The following SLC35F2 variants were observed in gnomAD, a reference collection of about 807,000 sequenced individuals.
The protein encoded by SLC35F2 is queuine/queuosine transporter SLC35F2.
A neutral mutation model predicts 38.1 loss-of-function variants in SLC35F2; 25 were observed. The observed-to-expected ratio is 0.66, with a 90% confidence interval of 0.48 to 0.92. SLC35F2 has a LOEUF of 0.92. SLC35F2 is among the 40% of genes least tolerant of loss of function. SLC35F2 has a pLI of 0.00. For synonymous variants in SLC35F2, 173 were observed against 181.7 expected, an observed-to-expected ratio of 0.95 and a Z score of 0.38; for missense variants, 409 against 452.9, an observed-to-expected ratio of 0.90 and a Z score of 0.88.
intron 2 of SLC35F2, among the ~76,000 whole-genome samples, chr11:107,813,602 G>A (rs1194971343): frequency 6.6e-6 from 1 of 152,146 alleles, no homozygotes; most frequent in African/African-American, 2.4e-5. Context: ...AATTCCTGAA[G>A]GCCAATGCTT....
intron 1 of SLC35F2, among the ~76,000 whole-genome samples, chr11:107,851,826 A>T (rs1860191792): frequency 6.6e-6 from 1 of 152,198 alleles, no homozygotes; most frequent in African/African-American, 2.4e-5. Context: ...TAGAATCCAG[A>T]GTTCCCCAAT....
intron 7 of SLC35F2, among the ~76,000 whole-genome samples, chr11:107,801,095 G>A (rs946151868): frequency 6.6e-6 from 1 of 152,026 alleles, no homozygotes; most frequent in Non-Finnish European, 1.5e-5. Flanking sequence ...AGTGGAGAGG[G>A]GGGTTTCCCC....
chr11:107,833,518 C>CAAAAAAAAAAAAAAAAAAAAAAAAAAAAA (rs34376803), intron 1 of SLC35F2, among the ~76,000 whole-genome samples: 5 of 89,540 alleles, frequency 5.6e-5, no homozygotes, highest in African/African-American at 2.4e-4. Context: ...GACTCTGTCT[C>CAAAAAAAAAAAAAAAAAAAAAAAAAAAAA]AAAAAAAAAA....
intron 1 of SLC35F2, among the ~76,000 whole-genome samples, chr11:107,856,350 A>T (rs1336093924): frequency 6.6e-6 from 1 of 152,144 alleles, no homozygotes; most frequent in Non-Finnish European, 1.5e-5. Context: ...GTAACCTTGT[A>T]ACAGCACTAC....
At chr11:107,796,865 G>A (rs1859226054) in intron 7 of SLC35F2, among the ~76,000 whole-genome samples, 1 of 152,120 alleles carries the variant, frequency 6.6e-6, no homozygotes, top group African/African-American at 2.4e-5. Flanking sequence ...TAGAGACAGG[G>A]TTGTGCCATG....
chr11:107,816,282 G>GTGTGTGTA (rs767931730), intron 1 of SLC35F2: 5 of 944,528 alleles, frequency 5.3e-6, no homozygotes, highest in Non-Finnish European at 6.3e-6. Flanking sequence ...GTGTGTGTGT[G>GTGTGTGTA]TATGACTTTT....
intron 1 of SLC35F2, among the ~76,000 whole-genome samples, chr11:107,828,329 G>C (rs1261219248): frequency 1.3e-5 from 2 of 151,718 alleles, no homozygotes; most frequent in Non-Finnish European, 2.9e-5. Context: ...AGCTACTCAG[G>C]AGGCTGAGGC....
At chr11:107,804,895 T>C in intron 5 of SLC35F2, 125 bp from the exon 6 acceptor site, 1 of 1,170,386 alleles carries the variant, frequency 8.5e-7, no homozygotes, top group Non-Finnish European at 1.2e-6. Context: ...TGTCTTAGAA[T>C]ATAAAAATAA....
At chr11:107,821,634 T>C (rs1859674871) in intron 1 of SLC35F2, 2 of 985,116 alleles carry the variant, frequency 2.0e-6, no homozygotes, top group African/African-American at 1.7e-5. Context: ...GAACCCTCTA[T>C]ACCATAACAA....
At chr11:107,821,470 G>T (rs1859671716) in intron 1 of SLC35F2, 2 of 985,260 alleles carry the variant, frequency 2.0e-6, no homozygotes, top group East Asian at 2.3e-4. Flanking sequence ...CTGGCGGGGA[G>T]GGGGTAGGAA....
chr11:107,845,101 T>G (rs554109141), intron 1 of SLC35F2, among the ~76,000 whole-genome samples: 27 of 152,264 alleles, frequency 1.8e-4, no homozygotes, highest in African/African-American at 6.3e-4. Context: ...ATTTCTTGCT[T>G]CATATCACAG....
rs1175845178 is a variant in SLC35F2 at position 107,799,385 on chromosome 11, G to A, written c.939+3616C>T. ...TTTCATTTTAAAGTTGAAAGCAGTT[G>A]AAGCCAAAGCCGGCCACCAACTGGC... On this transcript the variant is annotated intron_variant, in intron 7 of 7. Coordinates refer to ENST00000525815, the MANE Select transcript of SLC35F2 (RefSeq NM_017515.5). Among the ~76,000 whole-genome samples the A allele has an allele frequency of 2.6e-5, 4 of 152,154 alleles. No individual in the cohort carries two copies. In the East Asian group the frequency reaches 5.8e-4, roughly 22 times the overall value.
intron 7 of SLC35F2, among the ~76,000 whole-genome samples, chr11:107,801,186 T>TGTAA (rs34564371): frequency 0.057 from 8,669 of 152,176 alleles, 288 homozygotes; most frequent in East Asian, 0.15. Flanking sequence ...GGATTACAAG[T>TGTAA]GTAAGCCATT....
At position 107,805,369 on chromosome 11, in the gene SLC35F2, CACT is replaced by C. The variant is rs746973208; in HGVS notation, c.718_720del (p.Ser240del). 47 of 1,612,748 alleles carry C rather than the reference CACT, an allele frequency of 2.9e-5. No individual in the cohort carries two copies. The highest frequency in any genetic ancestry group is 4.0e-5 in the Non-Finnish European group (47 of 1,179,548). The stretch of plus-strand genomic sequence containing the variant: ...ATTGTAGAATCTTACAGCTGTATAC[CACT>C]GATAATTGTTCCAAACAGGCCCACC... On this transcript the variant is annotated inframe_deletion, in exon 5 of 8. Transcript: ENST00000525815.
At chr11:107,843,865 AAAAATATATATATATATATATATAT>A (rs1166850179) in intron 1 of SLC35F2, among the ~76,000 whole-genome samples, 31 of 35,354 alleles carry the variant, frequency 8.8e-4, no homozygotes, top group Middle Eastern at 0.031. Flanking sequence ...AAAAAAAAAA[AAAAATATATATATATATATATATAT>A]ATATATATAT....
chr11:107,823,296 T>C (rs1006150472), intron 1 of SLC35F2: 3 of 805,598 alleles, frequency 3.7e-6, no homozygotes, highest in Non-Finnish European at 4.5e-6. Flanking sequence ...ACCGATAAGA[T>C]GCATTATTTG....
chr11:107,820,964 A>G (rs1300606032), intron 1 of SLC35F2, among the ~76,000 whole-genome samples: 2 of 152,104 alleles, frequency 1.3e-5, no homozygotes. Flanking sequence ...TCAAAACAAA[A>G]CAAAACACCC....
intron 1 of SLC35F2, among the ~76,000 whole-genome samples, chr11:107,826,106 C>T (rs866799818): frequency 6.6e-6 from 1 of 152,178 alleles, no homozygotes; most frequent in East Asian, 1.9e-4. Flanking sequence ...TGAATAAACA[C>T]ACAGGAGTAC....
intron 1 of SLC35F2, among the ~76,000 whole-genome samples, chr11:107,848,367 C>G (rs550871438): frequency 9.6e-4 from 146 of 152,152 alleles, no homozygotes; most frequent in Admixed American, 7.2e-4. Context: ...GCTGCAGAGC[C>G]CTTTCTTCAC....
Sources: gnomAD v4.1 joint callset for allele counts (sites outside exome capture counted in the v4.1 genomes callset) on GRCh38, gnomAD v4.1.1 for gene constraint, MANE v1.5 for transcripts, NCBI Gene and HGNC (gene_info 2026-07-23, HGNC 2026-07-21) for gene names.